The following C10orf143 variants were observed in gnomAD, a reference collection of about 807,000 sequenced individuals.
The protein encoded by C10orf143 is chromosome 10 open reading frame 143, also known as uncharacterized protein C10orf143.
At chr10:130,101,638 G>A (rs1016056813) in intron 1 of C10orf143, among the ~76,000 whole-genome samples, 3 of 151,498 alleles carry the variant, frequency 2.0e-5, no homozygotes, top group Non-Finnish European at 4.4e-5. Flanking sequence ...AGGTGGAGGC[G>A]GGCGCATCAT....
intron 3 of C10orf143, among the ~76,000 whole-genome samples, chr10:130,039,866 G>A (rs2134721218): frequency 6.6e-6 from 1 of 152,290 alleles, no homozygotes; most frequent in Admixed American, 6.5e-5. Flanking sequence ...CCAATTTGCT[G>A]TCCCCAGAGA....
chr10:130,040,584 G>A (rs1255074687), intron 3 of C10orf143, among the ~76,000 whole-genome samples: 3 of 152,226 alleles, frequency 2.0e-5, no homozygotes, highest in South Asian at 2.1e-4. Context: ...GCTGGCTCAC[G>A]CCTGGGGAGG....
In C10orf143 at chr10:130,079,851, G is replaced by C. The variant is rs543844392; in HGVS notation, c.120C>G (p.His40Gln). 1.5e-5 allele frequency: 6 copies of C among 398,488 alleles called. No individual in the cohort carries two copies. In the Admixed American group the frequency reaches 2.6e-4, roughly 18 times the overall value. 24.7% of individuals were successfully genotyped at this position (398,488 alleles called of 1,614,324 possible). A position where few individuals can be genotyped will look rare whatever the true frequency, so the allele number is the denominator to read the frequency against. Residue 40 changes from histidine to glutamine, a missense_variant, in exon 2 of 4, where the codon CAC (histidine) becomes CAG (glutamine). Transcript: ENST00000637128. ...LEASGHERGC[H>Q]QVNACALASW... ...ACGCCAGGGCACAGGCATTCACCTG[G>C]TGGCAGCCACGCTCATGCCCACTGG...
chr10:130,038,676 G>A (rs1477223844), intron 3 of C10orf143, among the ~76,000 whole-genome samples: 1 of 152,170 alleles, frequency 6.6e-6, no homozygotes, highest in East Asian at 1.9e-4. Context: ...CCACCCCCCA[G>A]GCTGAGCCAT....
intron 1 of C10orf143, chr10:130,105,965 T>G: frequency 2.5e-6 from 1 of 393,006 alleles, no homozygotes. Flanking sequence ...CGGATTCGGG[T>G]TCCGGACGCA....
chr10:130,107,876 T>C, intron 1 of C10orf143: 1 of 1,273,846 alleles, frequency 7.9e-7, no homozygotes, highest in Non-Finnish European at 1.1e-6. Context: ...ACCAGCGCAA[T>C]CATATCTTGA....
At chr10:130,074,448 T>A (rs1861082625) in intron 3 of C10orf143, among the ~76,000 whole-genome samples, 1 of 152,224 alleles carries the variant, frequency 6.6e-6, no homozygotes, top group African/African-American at 2.4e-5. Flanking sequence ...GGATGCTTGC[T>A]ATCAGCTGTG....
At chr10:130,098,777 A>C (rs1035479621) in intron 1 of C10orf143, among the ~76,000 whole-genome samples, 9 of 152,144 alleles carry the variant, frequency 5.9e-5, no homozygotes, top group African/African-American at 2.2e-4. Context: ...TCATATATAA[A>C]GAAACCTGCC....
rs117510937 is a variant in C10orf143, at chr10:130,043,853, G to A, written c.298-7883C>T. Among the ~76,000 whole-genome samples the A allele has an allele frequency of 6.8e-4, 104 of 152,342 alleles. 1 individual carries two copies. Among genetic ancestry groups the A allele is most frequent in the Admixed American group, 1.6e-3 (24 of 15,312 alleles). ...AGATGCCCCAGCAATGTGGAGCTCC[G>A]CCTCTTGCAGGTGGAACCTACTTGT... On this transcript the variant is annotated intron_variant and NMD_transcript_variant, in intron 3 of 5. Transcript: ENST00000643056.
chr10:130,075,799 C>T lies in C10orf143; in HGVS notation c.297+3767G>A, dbSNP rs188810806. On this transcript the variant is annotated intron_variant, in intron 3 of 3. Coordinates refer to ENST00000637128, the MANE Select transcript of C10orf143 (RefSeq NM_001355042.2). ...TTCCCCTCTGGCGCTCTCTCTCTCT[C>T]CTGCTGCCATGGTAAGGCATGCTTG... Among the ~76,000 whole-genome samples the T allele has an allele frequency of 3.2e-3, 491 of 152,246 alleles. 2 individuals are homozygous for T. Among genetic ancestry groups the T allele is most frequent in the Non-Finnish European group, 5.9e-3 (404 of 68,030 alleles).
rs184212924 is a variant in C10orf143 at position 130,087,271 on chromosome 10, C to T, written c.70-7370G>A. ...TACATCTGGGGCTGCTTACGTTGAA[C>T]GAGAAGATCTGTCAGCCTTCGCAAA... is the stretch of plus-strand genomic sequence containing the variant. On this transcript the variant is annotated intron_variant, in intron 1 of 3. Coordinates refer to ENST00000637128, the MANE Select transcript of C10orf143 (RefSeq NM_001355042.2). Among the ~76,000 whole-genome samples, 19 of 152,234 alleles carry T rather than the reference C, an allele frequency of 1.2e-4. No individual in the cohort carries two copies. The East Asian group carries it at 2.9e-3, about 23-fold the overall frequency.
rs944105673 is a variant in C10orf143, at chr10:130,056,511, G to A, written c.298-20541C>T. On this transcript the variant is annotated intron_variant and NMD_transcript_variant, in intron 3 of 5. Transcript: ENST00000643056. The surrounding 1 kb of genome is among the most constrained non-coding windows in gnomAD (Gnocchi z 4.6). ...GTGAGAAATGAGGAAAAGAAACAAT[G>A]TCATTTTACAGAGAAAGGGAAGGGT... 6.6e-6 allele frequency among the ~76,000 whole-genome samples: 1 copy of A among 152,042 alleles called. No individual in the cohort carries two copies. The highest frequency in any genetic ancestry group is 1.5e-5 in the Non-Finnish European group (1 of 67,990).
chr10:130,057,338 C>CA (rs1202874040), intron 3 of C10orf143, among the ~76,000 whole-genome samples: 1 of 152,198 alleles, frequency 6.6e-6, no homozygotes, highest in Non-Finnish European at 1.5e-5. Flanking sequence ...TCATCTTCCC[C>CA]ATCTGCAACT....
chr10:130,063,649 C>A (rs1413990899), downstream of C10orf143, among the ~76,000 whole-genome samples: 1 of 152,212 alleles, frequency 6.6e-6, no homozygotes, highest in African/African-American at 2.4e-5. Context: ...GCCGAGGACA[C>A]TCCCTGGAGG....
intron 3 of C10orf143, among the ~76,000 whole-genome samples, chr10:130,075,352 C>G (rs1250402427): frequency 2.6e-5 from 4 of 152,118 alleles, no homozygotes; most frequent in Admixed American, 6.5e-5. Flanking sequence ...GGCTTATCAC[C>G]AGGATCAGCC....
Position 130,070,267 on chromosome 10 carries a change from T to G in C10orf143, c.298-5884A>C, listed in dbSNP as rs1564959242. On this transcript the variant is annotated intron_variant, in intron 3 of 3. Transcript: ENST00000637128. ...TCTGTTCTCTGTTCTTGAGTCAGTT[T>G]TGGTAACTGAATTTTCTGGGGTGGG... Among the ~76,000 whole-genome samples the G allele has an allele frequency of 3.3e-5, 5 of 152,342 alleles. No homozygotes were observed. The South Asian group carries it at 6.2e-4, about 19-fold the overall frequency.
chr10:130,062,877 G>A (rs912538211), downstream of C10orf143, among the ~76,000 whole-genome samples: 8 of 152,094 alleles, frequency 5.3e-5, no homozygotes, highest in African/African-American at 1.4e-4. Flanking sequence ...TTCCAGAACC[G>A]AAGGCCTGCT....
intron 3 of C10orf143, chr10:130,036,053 T>C (rs1463207318): frequency 2.0e-5 from 3 of 152,232 alleles, no homozygotes; most frequent in African/African-American, 4.8e-5. Flanking sequence ...GCCCCATCCT[T>C]AGGACCCCAT....
intron 1 of C10orf143, among the ~76,000 whole-genome samples, chr10:130,089,646 T>C (rs1400441444): frequency 3.3e-5 from 5 of 152,142 alleles, no homozygotes; most frequent in Non-Finnish European, 7.4e-5. Flanking sequence ...CAAAACTTAA[T>C]ATAATAGAAA....
Sources: gnomAD v4.1 joint callset for allele counts (sites outside exome capture counted in the v4.1 genomes callset) on GRCh38, gnomAD v4.1.1 for gene constraint, Gnocchi (gnomAD v3.1) non-coding constraint, MANE v1.5 for transcripts, NCBI Gene and HGNC (gene_info 2026-07-23, HGNC 2026-07-21) for gene names.